Variants in LYAR observed in about 807,000 individuals in gnomAD.
LYAR encodes the protein cell growth-regulating nucleolar protein.
In LYAR, 37 loss-of-function variants were observed where a neutral mutation model predicts 45.2. The ratio of observed to expected loss-of-function variants is 0.82; its 90% CI spans 0.63 to 1.08. The LOEUF is 1.08. Among genes scored for constraint, LYAR ranks in the 50% least tolerant of loss-of-function variants. The probability of loss-of-function intolerance (pLI) is 0.00; values close to 1 mark genes in which losing one functional copy is unlikely to be tolerated. For synonymous variants in LYAR, 176 were observed against 155.1 expected, an observed-to-expected ratio of 1.14 and a Z score of -1.00; for missense variants, 493 against 451.0, an observed-to-expected ratio of 1.09 and a Z score of -0.84.
At chr4:4,289,314 T>C (rs1037021268) in intron 1 of LYAR, among the ~76,000 whole-genome samples, 3 of 152,158 alleles carry the variant, frequency 2.0e-5, no homozygotes, top group African/African-American at 7.2e-5. Context: ...CTACCATGTG[T>C]CAGGCACTAT....
chr4:4,271,201 C>G (rs964975271), intron 8 of LYAR, among the ~76,000 whole-genome samples: 4 of 152,142 alleles, frequency 2.6e-5, no homozygotes, highest in Non-Finnish European at 4.4e-5. Flanking sequence ...TCCTTTTACT[C>G]TCTATCTCCA....
chr4:4,271,883 G>C (rs1051702535), intron 8 of LYAR, among the ~76,000 whole-genome samples: 15 of 152,176 alleles, frequency 9.9e-5, no homozygotes, highest in African/African-American at 3.6e-4. Context: ...TGTGATGCAC[G>C]CACAGCACGG....
At chr4:4,286,944 C>T (rs1719644279) in intron 1 of LYAR, among the ~76,000 whole-genome samples, 1 of 152,182 alleles carries the variant, frequency 6.6e-6, no homozygotes, top group South Asian at 2.1e-4. Flanking sequence ...AGCCACCGCG[C>T]CCGGCCTTAA....
Position 4,278,244 on chromosome 4 carries a change from A to G in LYAR, c.429+1203T>C, listed in dbSNP as rs560360188. 2.5e-3 allele frequency among the ~76,000 whole-genome samples: 378 copies of G among 152,264 alleles called. 2 individuals carry two copies. Among genetic ancestry groups the G allele is most frequent in the Non-Finnish European group, 2.9e-3 (199 of 68,014 alleles). On this transcript the variant is annotated intron_variant, in intron 6 of 9. Transcript: ENST00000343470. Reference sequence around the variant, plus strand: ...GAGATAAATTTTCATCTTGATGCCCACTTGTTGCCGAAAGTATTCTCTCTA... The same window carrying G: ...GAGATAAATTTTCATCTTGATGCCCGCTTGTTGCCGAAAGTATTCTCTCTA...
intron 4 of LYAR, among the ~76,000 whole-genome samples, chr4:4,280,405 T>C (rs747436163): frequency 9.2e-5 from 14 of 152,166 alleles, no homozygotes; most frequent in Admixed American, 3.9e-4. Context: ...ATATACGTTT[T>C]TACAGAAACA....
At chr4:4,270,197 T>C (rs181511698) in intron 8 of LYAR, among the ~76,000 whole-genome samples, 8 of 148,938 alleles carry the variant, frequency 5.4e-5, no homozygotes, top group East Asian at 2.0e-4. Flanking sequence ...TGAGACCCTG[T>C]CTCGAAAAAT....
At chr4:4,288,110 C>G (rs1719685368) in intron 1 of LYAR, among the ~76,000 whole-genome samples, 1 of 152,238 alleles carries the variant, frequency 6.6e-6, no homozygotes, top group Non-Finnish European at 1.5e-5. Context: ...AGCACCTTAA[C>G]TTCCCAGAAT....
At chr4:4,277,274 T>C (rs898387341) in intron 6 of LYAR, among the ~76,000 whole-genome samples, 4 of 152,130 alleles carry the variant, frequency 2.6e-5, no homozygotes, top group African/African-American at 9.7e-5. Context: ...CTCAAACTCC[T>C]GACCTCAACT....
chr4:4,269,837 A>AAC (rs948020271), intron 8 of LYAR, among the ~76,000 whole-genome samples: 16 of 152,218 alleles, frequency 1.1e-4, no homozygotes, highest in Non-Finnish European at 1.8e-4. Context: ...AAGTGTTCTC[A>AAC]ACACACACAC....
At chr4:4,271,321 T>C (rs1260522187) in intron 8 of LYAR, among the ~76,000 whole-genome samples, 3 of 152,228 alleles carry the variant, frequency 2.0e-5, no homozygotes, top group African/African-American at 7.2e-5. Flanking sequence ...TCCAGTTCCA[T>C]CCACGTTGCT....
intron 2 of LYAR, among the ~76,000 whole-genome samples, chr4:4,285,219 G>A (rs1444558989): frequency 1.3e-5 from 2 of 152,200 alleles, no homozygotes; most frequent in Non-Finnish European, 2.9e-5. Context: ...CACTATCAGT[G>A]TATGTTAGTA....
chr4:4,284,584 C>T (rs986687551), intron 2 of LYAR, among the ~76,000 whole-genome samples: 11 of 152,106 alleles, frequency 7.2e-5, no homozygotes, highest in African/African-American at 1.7e-4. Flanking sequence ...CCAGGTGTCC[C>T]GAGCACTGCC....
intron 3 of LYAR, among the ~76,000 whole-genome samples, chr4:4,282,374 T>C (rs1396927411): frequency 6.8e-6 from 1 of 147,004 alleles, no homozygotes; most frequent in East Asian, 1.9e-4. Context: ...AACTAAATTC[T>C]CTCTCATATA....
chr4:4,279,825 T>A, intron 4 of LYAR, 76 bp from the exon 5 acceptor site: 3 of 945,256 alleles, frequency 3.2e-6, no homozygotes, highest in Non-Finnish European at 5.0e-6. Flanking sequence ...ATTGAAAAAG[T>A]CCTTGCCATG....
At chr4:4,279,950 A>G (rs1719334029) in intron 4 of LYAR, among the ~76,000 whole-genome samples, 1 of 152,228 alleles carries the variant, frequency 6.6e-6, no homozygotes, top group African/African-American at 2.4e-5. Flanking sequence ...GTTAGGCAAG[A>G]AAACAAAATA....
rs770633401 is a variant in LYAR, at chr4:4,281,894, G to A, written c.126C>T (p.Gly42=). ...ATTTCACGTGGTTTTTATAGTCATCGCCCCTTTAAAGTGATCAAAAGTTCT... is the reference window on the plus strand; with the variant it reads ...ATTTCACGTGGTTTTTATAGTCATCACCCCTTTAAAGTGATCAAAAGTTCT... The part of the protein sequence containing the change: ...SCIDCGKDFW[G]DDYKNHVKCI... Residue 42 remains glycine (G), a synonymous_variant, in exon 4 of 10, where the codon GGC becomes GGT. Coordinates refer to ENST00000343470, the MANE Select transcript of LYAR (RefSeq NM_017816.3). The A allele has an allele frequency of 6.2e-6, 10 of 1,609,894 alleles. No homozygotes were observed. Among genetic ancestry groups the A allele is most frequent in the South Asian group, 3.3e-5 (3 of 90,990 alleles).
chr4:4,287,009 T>C (rs1009700497), intron 1 of LYAR, among the ~76,000 whole-genome samples: 8 of 152,226 alleles, frequency 5.3e-5, no homozygotes, highest in East Asian at 3.8e-4. Context: ...TCTGAAATTA[T>C]GAAAGCTTAA....
chr4:4,272,590 TC>T (rs1359756036), intron 8 of LYAR, among the ~76,000 whole-genome samples: 3 of 152,218 alleles, frequency 2.0e-5, no homozygotes, highest in African/African-American at 7.2e-5. Context: ...TCTCTAAATA[TC>T]TTATTGTCCT....
intron 3 of LYAR, among the ~76,000 whole-genome samples, chr4:4,282,844 G>T (rs898795926): frequency 6.6e-6 from 1 of 152,182 alleles, no homozygotes; most frequent in African/African-American, 2.4e-5. Context: ...CAGCACCTCT[G>T]ATTTTCTAGG....
Sources: allele counts gnomAD v4.1 joint callset (sites outside exome capture counted in the v4.1 genomes callset), GRCh38; gene constraint gnomAD v4.1.1; transcripts MANE v1.5; gene names NCBI Gene and HGNC (gene_info 2026-07-23, HGNC 2026-07-21).